DNAH14: variants seen among roughly 807,000 people sequenced by gnomAD.
The protein encoded by DNAH14 is dynein axonemal heavy chain 14.
Under a neutral mutation model 520.9 loss-of-function variants are expected in DNAH14, and 478 were observed. That is an observed-to-expected ratio of 0.92 (90% CI 0.85 to 0.99). The LOEUF is 0.99. Among genes scored for constraint, DNAH14 ranks in the 50% least tolerant of loss-of-function variants. DNAH14 has a pLI of 0.00. For synonymous variants in DNAH14, 1,581 were observed against 1,757.2 expected (o/e 0.90, Z 2.51); for missense variants, 4,831 against 5,234.5 (o/e 0.92, Z 2.38).
chr1:225,206,731 C>T (rs556707085), intron 40 of DNAH14, among the ~76,000 whole-genome samples: 3 of 152,258 alleles, frequency 2.0e-5, no homozygotes, highest in Admixed American at 2.0e-4. Flanking sequence ...AGCCTCAATA[C>T]ACCTTCCTAC....
At chr1:225,132,152 A>T (rs1219473752) in intron 27 of DNAH14, among the ~76,000 whole-genome samples, 2 of 152,054 alleles carry the variant, frequency 1.3e-5, no homozygotes, top group Non-Finnish European at 2.9e-5. Context: ...AGTGATGAAG[A>T]TAGAAGCCAT....
chr1:225,003,735 G>C (rs1479320496), intron 9 of DNAH14, among the ~76,000 whole-genome samples: 1 of 152,082 alleles, frequency 6.6e-6, no homozygotes, highest in Non-Finnish European at 1.5e-5. Flanking sequence ...TACTTATATA[G>C]AGAATGTTTA....
At chr1:225,079,874 C>T (rs777010775) in intron 18 of DNAH14, among the ~76,000 whole-genome samples, 6 of 151,778 alleles carry the variant, frequency 4.0e-5, no homozygotes, top group South Asian at 2.1e-4. Context: ...GAGGTTTCAC[C>T]GTGTTAGCCA....
rs569430313 is a variant in DNAH14, at chr1:225,224,575, A to C, written c.6440-6498A>C. ...ATATTGCCCCTATCTCTAGATTTTC[A>C]GATAGCACTCTCTGATTATGCAGGC... is the stretch of plus-strand genomic sequence containing the variant. On this transcript the variant is annotated intron_variant, in intron 41 of 85. Transcript: ENST00000682510. 1.1e-4 allele frequency among the ~76,000 whole-genome samples: 16 copies of C among 152,286 alleles called. No homozygotes were observed. In the East Asian group the frequency reaches 2.9e-3, roughly 28 times the overall value.
chr1:225,348,424 A>T (rs1211662202), intron 71 of DNAH14, among the ~76,000 whole-genome samples: 1 of 152,194 alleles, frequency 6.6e-6, no homozygotes. Context: ...ACCAAGACAC[A>T]TTATAATCAA....
chr1:225,030,200 A>G (rs2066426074), intron 11 of DNAH14, among the ~76,000 whole-genome samples: 1 of 151,936 alleles, frequency 6.6e-6, no homozygotes, highest in Non-Finnish European at 1.5e-5. Context: ...ATACAGTTTT[A>G]TAAATGAATG....
At chr1:225,005,423 T>C (rs555187570) in intron 9 of DNAH14, among the ~76,000 whole-genome samples, 1 of 152,192 alleles carries the variant, frequency 6.6e-6, no homozygotes, top group Admixed American at 6.5e-5. Flanking sequence ...GTGATATTGG[T>C]TTTTGGGAAA....
At chr1:225,025,479 C>G (rs549412298) in intron 11 of DNAH14, among the ~76,000 whole-genome samples, 1 of 152,038 alleles carries the variant, frequency 6.6e-6, no homozygotes, top group South Asian at 2.1e-4. Flanking sequence ...CACCTGTAAT[C>G]CCAACACTTT....
chr1:225,051,413 A>G lies in DNAH14; in HGVS notation c.2080-38A>G, dbSNP rs941639647. The G allele has an allele frequency of 2.5e-5, 35 of 1,375,072 alleles. No individual in the cohort carries two copies. The East Asian group carries it at 4.2e-4, about 17-fold the overall frequency. 85.2% of individuals were successfully genotyped at this position (1,375,072 alleles called of 1,614,324 possible). A position where few individuals can be genotyped will look rare whatever the true frequency, so the allele number is the denominator to read the frequency against. ...CCAAACCATTTTTCACTCTTAAAAT[A>G]AAAATTCTGACTAACATCTCAACAT... On this transcript the variant is annotated intron_variant, in intron 16 of 85. Coordinates refer to ENST00000682510, the MANE Select transcript of DNAH14 (RefSeq NM_001367479.1).
intron 22 of DNAH14, 106 bp from the exon 23 acceptor site, chr1:225,100,607 A>G: frequency 1.1e-6 from 1 of 930,684 alleles, no homozygotes; most frequent in Non-Finnish European, 1.5e-6. Context: ...ATTTAACATC[A>G]AATGTTTTAT....
chr1:225,254,905 T>C (rs1469818257), intron 44 of DNAH14, among the ~76,000 whole-genome samples: 1 of 152,158 alleles, frequency 6.6e-6, no homozygotes, highest in Non-Finnish European at 1.5e-5. Context: ...TGGTAGCGAC[T>C]ACTGAGTATA....
At chr1:225,016,106 G>A (rs1439468971) in intron 10 of DNAH14, among the ~76,000 whole-genome samples, 2 of 152,214 alleles carry the variant, frequency 1.3e-5, no homozygotes, top group African/African-American at 4.8e-5. Flanking sequence ...AATAACTAAT[G>A]TATAGGCTCT....
chr1:225,011,170 A>T (rs2064702688), intron 10 of DNAH14, among the ~76,000 whole-genome samples: 1 of 151,848 alleles, frequency 6.6e-6, no homozygotes, highest in South Asian at 2.1e-4. Context: ...TTGCTTCTCT[A>T]GTTCTTTTAA....
At chr1:225,172,873 C>T (rs1231091277) in intron 36 of DNAH14, among the ~76,000 whole-genome samples, 1 of 152,060 alleles carries the variant, frequency 6.6e-6, no homozygotes, top group East Asian at 1.9e-4. Flanking sequence ...ACAAGGCTAC[C>T]ATAACCAAAG....
intron 49 of DNAH14, among the ~76,000 whole-genome samples, chr1:225,269,228 T>A (rs964237587): frequency 1.3e-5 from 2 of 151,960 alleles, no homozygotes; most frequent in Non-Finnish European, 2.9e-5. Context: ...AGAAATGGGG[T>A]AAGGATTCCC....
rs376769482 is a variant in DNAH14 at position 224,943,112 on chromosome 1, C to T, written c.-33-9558C>T. On this transcript the variant is annotated intron_variant, in intron 1 of 85. Coordinates refer to ENST00000682510, the MANE Select transcript of DNAH14 (RefSeq NM_001367479.1). ...TCTTCCTTGTACTTCTGGTAGAATTCGGCTGTGAATTCATGTGGTCCTGGA... is the reference window on the plus strand; with the variant it reads ...TCTTCCTTGTACTTCTGGTAGAATTTGGCTGTGAATTCATGTGGTCCTGGA... 1.4e-4 allele frequency among the ~76,000 whole-genome samples: 21 copies of T among 152,224 alleles called. 1 individual carries two copies. In the East Asian group the frequency reaches 1.5e-3, roughly 11 times the overall value.
chr1:225,229,378 G>A (rs981990285), intron 41 of DNAH14, among the ~76,000 whole-genome samples: 1 of 152,144 alleles, frequency 6.6e-6, no homozygotes. Context: ...CAAGGATCTA[G>A]AACCAGAAAT....
intron 38 of DNAH14, among the ~76,000 whole-genome samples, chr1:225,198,696 A>T (rs2086453077): frequency 6.6e-6 from 1 of 152,142 alleles, no homozygotes; most frequent in African/African-American, 2.4e-5. Flanking sequence ...AAACCCACTG[A>T]TCATGGTGGA....
intron 66 of DNAH14, among the ~76,000 whole-genome samples, chr1:225,334,882 A>ATGTG (rs1448195104): frequency 4.7e-5 from 6 of 128,970 alleles, no homozygotes; most frequent in African/African-American, 1.9e-4. Context: ...CTCTACATAT[A>ATGTG]TATGTGTGTG....
Sources: allele counts gnomAD v4.1 joint callset (sites outside exome capture counted in the v4.1 genomes callset), GRCh38; gene constraint gnomAD v4.1.1; transcripts MANE v1.5; gene names NCBI Gene and HGNC (gene_info 2026-07-23, HGNC 2026-07-21).